Variants in VASH2 observed in about 807,000 individuals in gnomAD.
VASH2 encodes vasohibin 2.
Under a neutral mutation model 37.2 loss-of-function variants are expected in VASH2, and 28 were observed. That is an observed-to-expected ratio of 0.75 (90% confidence interval 0.56 to 1.03). The LOEUF (loss-of-function observed/expected upper bound fraction) is 1.03, where lower values mean the gene tolerates loss of function less well. VASH2 is among the 50% of genes least tolerant of loss of function. The probability of loss-of-function intolerance (pLI) is 0.00; values close to 1 mark genes in which losing one functional copy is unlikely to be tolerated. For missense variants in VASH2, 419 were observed against 459.1 expected (o/e 0.91, Z 0.80); for synonymous variants, 188 against 174.7 (o/e 1.08, Z -0.60).
chr1:212,982,259 C>A (rs1667361072), intron 7 of VASH2, among the ~76,000 whole-genome samples: 1 of 152,212 alleles, frequency 6.6e-6, no homozygotes, highest in South Asian at 2.1e-4. Flanking sequence ...GATATCCTTT[C>A]TCCTGCAAAG....
chr1:212,982,010 G>T (rs1667353413), intron 7 of VASH2, among the ~76,000 whole-genome samples: 1 of 152,204 alleles, frequency 6.6e-6, no homozygotes. Flanking sequence ...TCAAAGTTGA[G>T]ATAGCAGTGG....
At chr1:212,960,080 C>T (rs558926369) in intron 2 of VASH2, among the ~76,000 whole-genome samples, 3 of 152,278 alleles carry the variant, frequency 2.0e-5, no homozygotes, top group Non-Finnish European at 4.4e-5. Flanking sequence ...AACCCCAAAC[C>T]GTGCCTGGCT....
intron 7 of VASH2, among the ~76,000 whole-genome samples, chr1:212,978,808 A>G (rs186319748): frequency 2.2e-4 from 34 of 152,218 alleles, no homozygotes; most frequent in Admixed American, 3.3e-4. Context: ...TAGCAAATCC[A>G]GTAAGACTAT....
Position 212,966,812 on chromosome 1 carries a change from C to T in VASH2, c.497+467C>T, listed in dbSNP as rs548262844. ...ATATGATCTCAGCTCGCTGCAACTT[C>T]CGCCTCCCAGGCTCAAGTGACCTTC... On this transcript the variant is annotated intron_variant, in intron 5 of 7. Transcript: ENST00000517399. 2.6e-3 allele frequency: 886 copies of T among 340,550 alleles called. 3 individuals carry two copies. The highest frequency in any genetic ancestry group is 7.9e-3 in the South Asian group (339 of 42,748). 21.1% of individuals were successfully genotyped at this position (340,550 alleles called of 1,614,324 possible).
At chr1:212,979,179 A>G (rs1322705476) in intron 7 of VASH2, among the ~76,000 whole-genome samples, 1 of 152,154 alleles carries the variant, frequency 6.6e-6, no homozygotes, top group East Asian at 1.9e-4. Context: ...GTGTTCCTGG[A>G]GGTATGTTTG....
intron 7 of VASH2, among the ~76,000 whole-genome samples, chr1:212,978,520 G>A (rs1051087022): frequency 2.0e-5 from 3 of 152,214 alleles, no homozygotes; most frequent in Admixed American, 6.5e-5. Context: ...CAGGAGCACG[G>A]AGGTGATGGC....
At position 212,951,705 on chromosome 1, in the gene VASH2, G is replaced by A; in HGVS notation, c.163G>A (p.Gly55Ser). The change falls in exon 2 of 8, where the codon GGC becomes AGC. Residue 55 changes from glycine to serine, a missense_variant. This residue lies in a region of VASH2 where 158 missense variants were observed against 163.0 expected (regional missense o/e 0.97). Coordinates refer to ENST00000517399, the MANE Select transcript of VASH2 (RefSeq NM_001301056.2). The surrounding 1 kb of genome is among the most constrained non-coding windows in gnomAD (Gnocchi z 4.4). ...GGTGCTGTTCCACGTCAACAAGAGCGGCTTCCCCATCGACAGCCACACCTG... is the reference window on the plus strand; with the variant it reads ...GGTGCTGTTCCACGTCAACAAGAGCAGCTTCCCCATCGACAGCCACACCTG... Reference protein sequence around the residue: ...GGVLFHVNKSGFPIDSHTWER... With the variant: ...GGVLFHVNKSSFPIDSHTWER... The A allele has an allele frequency of 6.2e-7, 1 of 1,603,058 alleles. No homozygotes were observed.
rs754935687 is a variant in VASH2, at chr1:212,990,675, C to T, written c.*2091C>T. 1 of 152,184 alleles carries T rather than the reference C, an allele frequency of 6.6e-6. No individual in the cohort carries two copies. Among genetic ancestry groups the T allele is most frequent in the African/African-American group, 2.4e-5 (1 of 41,438 alleles). 9.4% of individuals were successfully genotyped at this position (152,184 alleles called of 1,614,324 possible). On this transcript the variant is annotated 3_prime_UTR_variant, in exon 8 of 8. Transcript: ENST00000517399. ...ACTCTGTAATATGCTGATAAAGAAG[C>T]CTTAGAACTGCCAACTGGCTTGATG...
At chr1:212,970,575 A>T (rs931267778) in intron 5 of VASH2, among the ~76,000 whole-genome samples, 2 of 151,976 alleles carry the variant, frequency 1.3e-5, no homozygotes, top group Non-Finnish European at 2.9e-5. Flanking sequence ...CATTAAGTGC[A>T]TTCATAATGC....
At chr1:212,984,241 TG>T (rs1410242932) in intron 7 of VASH2, among the ~76,000 whole-genome samples, 2 of 152,150 alleles carry the variant, frequency 1.3e-5, no homozygotes, top group Non-Finnish European at 2.9e-5. Context: ...ACACAGGTAA[TG>T]GTAAAGAGTG....
intron 2 of VASH2, among the ~76,000 whole-genome samples, chr1:212,960,591 T>C (rs923133799): frequency 5.3e-5 from 8 of 152,252 alleles, no homozygotes; most frequent in African/African-American, 1.9e-4. Context: ...GGTTTCACCA[T>C]GTTGCCCAGG....
intron 7 of VASH2, among the ~76,000 whole-genome samples, chr1:212,976,716 C>T (rs1165555794): frequency 6.6e-6 from 1 of 151,914 alleles, no homozygotes; most frequent in African/African-American, 2.4e-5. Context: ...GTCAGAGTGC[C>T]GCAGCCGTGA....
chr1:212,987,066 G>T (rs562032546), intron 7 of VASH2, among the ~76,000 whole-genome samples: 1 of 152,214 alleles, frequency 6.6e-6, no homozygotes, highest in East Asian at 1.9e-4. Flanking sequence ...AAAAGGGGTA[G>T]TGGAATTGCT....
intron 5 of VASH2, chr1:212,967,186 T>C (rs1324171969): frequency 1.5e-6 from 2 of 1,304,098 alleles, no homozygotes; most frequent in Non-Finnish European, 2.0e-6. Context: ...TCCCGGCTCT[T>C]CAGCCTGAGA....
chr1:212,951,836 C>CG lies in VASH2; in HGVS notation c.276+20dup. On this transcript the variant is annotated intron_variant, in intron 2 of 7. Transcript: ENST00000517399. This position sits in a 1 kb window ranked among gnomAD's most constrained non-coding sequence, Gnocchi z 4.4. ...TGGCAAAGGTCAGTGGCTTCCAGGGCGGAGTTGGGGGGCTGGGGGTAGGTA... is the reference window on the plus strand; with the variant it reads ...TGGCAAAGGTCAGTGGCTTCCAGGGCGGGAGTTGGGGGGCTGGGGGTAGGTA... 6.3e-7 allele frequency: 1 copy of CG among 1,591,320 alleles called. No homozygotes were observed. The highest frequency in any genetic ancestry group is 2.3e-5 in the East Asian group (1 of 44,386).
chr1:212,970,607 C>T (rs777307682), intron 5 of VASH2, among the ~76,000 whole-genome samples: 15 of 152,086 alleles, frequency 9.9e-5, no homozygotes, highest in Non-Finnish European at 1.6e-4. Flanking sequence ...ACCACCATTC[C>T]GGCCAGGCGC....
intron 6 of VASH2, chr1:212,973,609 A>T: frequency 7.3e-6 from 9 of 1,236,984 alleles, no homozygotes; most frequent in Non-Finnish European, 9.3e-6. Flanking sequence ...CTGAGGCAAT[A>T]GAGATGGGAC....
intron 4 of VASH2, 141 bp from the exon 5 acceptor site, chr1:212,966,130 C>T (rs866425762): frequency 1.4e-5 from 10 of 717,714 alleles, no homozygotes; most frequent in Non-Finnish European, 2.1e-5. Context: ...TTGGTGCCTT[C>T]CTGCAAGGTG....
intron 7 of VASH2, among the ~76,000 whole-genome samples, chr1:212,985,571 C>A (rs562373367): frequency 6.6e-6 from 1 of 152,164 alleles, no homozygotes; most frequent in East Asian, 1.9e-4. Context: ...AATGCGCCAT[C>A]ATACCCGGCT....
Sources: gnomAD v4.1 joint callset for allele counts (sites outside exome capture counted in the v4.1 genomes callset) on GRCh38, gnomAD v4.1.1 for gene constraint, gnomAD v4.1.1 regional missense constraint, Gnocchi (gnomAD v3.1) non-coding constraint, MANE v1.5 for transcripts, NCBI Gene and HGNC (gene_info 2026-07-23, HGNC 2026-07-21) for gene names.